The following SLC4A7 variants were observed in gnomAD, a reference collection of about 807,000 sequenced individuals.
The protein encoded by SLC4A7 is solute carrier family 4 member 7, also known as sodium bicarbonate cotransporter 3.
In SLC4A7, 51 loss-of-function variants were observed where a neutral mutation model predicts 137.6. The observed-to-expected ratio is 0.37, with a 90% CI of 0.30 to 0.47. SLC4A7 has a LOEUF of 0.47. SLC4A7 is among the 20% of genes least tolerant of loss of function. The pLI, the probability that SLC4A7 is intolerant of heterozygous loss-of-function variation, is 1.00. For synonymous variants in SLC4A7, 542 were observed against 518.6 expected, an observed-to-expected ratio of 1.05 and a Z score of -0.61; for missense variants, 1,247 against 1,525.4, an observed-to-expected ratio of 0.82 and a Z score of 3.04.
chr3:27,439,920 G>C (rs1016651966), intron 3 of SLC4A7, among the ~76,000 whole-genome samples: 3 of 152,194 alleles, frequency 2.0e-5, no homozygotes, highest in Non-Finnish European at 2.9e-5. Context: ...TTAGTTTGCA[G>C]AGAGTTTTAT....
chr3:27,431,279 G>T lies in SLC4A7; in HGVS notation c.1150+19C>A. 1.3e-6 allele frequency: 2 copies of T among 1,549,582 alleles called. No individual in the cohort carries two copies. Among genetic ancestry groups the T allele is most frequent in the Non-Finnish European group, 1.7e-6 (2 of 1,146,766 alleles). On this transcript the variant is annotated intron_variant, in intron 7 of 25. Transcript: ENST00000454389. ...TCAGAGGCAGAAAGCACCACACATG[G>T]AGGATTTTGGATAGTTGCCTGGAGT...
At chr3:27,410,540 A>G (rs1285194161) in intron 12 of SLC4A7, among the ~76,000 whole-genome samples, 1 of 152,210 alleles carries the variant, frequency 6.6e-6, no homozygotes, top group Admixed American at 6.5e-5. Context: ...TCTGTTCATA[A>G]TCTGACAGCA....
chr3:27,452,550 C>G, intron 1 of SLC4A7, 52 bp from the exon 2 acceptor site: 1 of 1,155,654 alleles, frequency 8.7e-7, no homozygotes, highest in Non-Finnish European at 1.2e-6. Context: ...TATTGAGGAC[C>G]TATTATATGC....
chr3:27,422,803 C>A (rs1221925716), intron 8 of SLC4A7: 1 of 456,060 alleles, frequency 2.2e-6, no homozygotes, highest in Non-Finnish European at 4.4e-6. Flanking sequence ...GAGTCCCACA[C>A]CCAGTGTGCC....
chr3:27,400,045 A>G (rs543488573), intron 16 of SLC4A7, among the ~76,000 whole-genome samples: 1 of 152,338 alleles, frequency 6.6e-6, no homozygotes, highest in Admixed American at 6.5e-5. Flanking sequence ...ACAGTTACTT[A>G]TATGATATAA....
At chr3:27,447,768 C>G (rs920587305) in intron 3 of SLC4A7, among the ~76,000 whole-genome samples, 8 of 150,462 alleles carry the variant, frequency 5.3e-5, no homozygotes, top group Admixed American at 6.7e-5. Context: ...TCTATTGGTA[C>G]CACTAACTTC....
At chr3:27,418,146 G>C (rs987749297) in intron 11 of SLC4A7, among the ~76,000 whole-genome samples, 8 of 152,058 alleles carry the variant, frequency 5.3e-5, no homozygotes, top group Non-Finnish European at 1.2e-4. Flanking sequence ...CTGTGAAAAA[G>C]AGAATAAGGA....
At chr3:27,460,813 G>A (rs1348159871) in intron 1 of SLC4A7, among the ~76,000 whole-genome samples, 1 of 152,262 alleles carries the variant, frequency 6.6e-6, no homozygotes, top group Non-Finnish European at 1.5e-5. Context: ...AGAATCTAGT[G>A]CTGTTGACCA....
intron 13 of SLC4A7, among the ~76,000 whole-genome samples, chr3:27,406,071 G>A (rs191762858): frequency 2.0e-5 from 3 of 152,280 alleles, no homozygotes; most frequent in African/African-American, 4.8e-5. Flanking sequence ...GAGAAAAGAA[G>A]CTCGTAAGAA....
chr3:27,387,959 C>G (rs148454694), intron 22 of SLC4A7, among the ~76,000 whole-genome samples: 22 of 152,120 alleles, frequency 1.4e-4, no homozygotes, highest in African/African-American at 4.8e-4. Flanking sequence ...TATTATAAAG[C>G]CTTTTTCTTT....
intron 20 of SLC4A7, among the ~76,000 whole-genome samples, chr3:27,392,578 C>A (rs2051681105): frequency 6.6e-6 from 1 of 152,174 alleles, no homozygotes; most frequent in Admixed American, 6.6e-5. Flanking sequence ...GTAATCTCAG[C>A]ATTTCGGGAG....
At chr3:27,445,944 AAAAAAAAAAAAAAAAAAAAATATATATAT>A (rs1212086926) in intron 3 of SLC4A7, among the ~76,000 whole-genome samples, 5 of 51,986 alleles carry the variant, frequency 9.6e-5, no homozygotes, top group Non-Finnish European at 1.6e-4. Flanking sequence ...AAAAAAAAAA[AAAAAAAAAAAAAAAAAAAAATATATATAT>A]ATATATATAT....
intron 13 of SLC4A7, among the ~76,000 whole-genome samples, chr3:27,406,492 CATTTGTTAATTATATGGGCTAA>C: frequency 6.6e-6 from 1 of 152,136 alleles, no homozygotes; most frequent in East Asian, 1.9e-4. Context: ...GTTAATGACA[CATTTGTTAATTATATGGGCTAA>C]ATTTGTTTTC....
At chr3:27,400,707 G>C in intron 16 of SLC4A7, 57 bp downstream of exon 16, 2 of 982,706 alleles carry the variant, frequency 2.0e-6, no homozygotes, top group Non-Finnish European at 3.1e-6. Flanking sequence ...ATTAGAAAAA[G>C]CTAAAAGAAC....
rs1235839155 is a variant in SLC4A7, at chr3:27,420,774, A to G, written c.1438T>C (p.Leu480=). The change falls in exon 10 of 26, where the codon TTA becomes CTA. Residue 480 remains leucine, a synonymous_variant. Transcript: ENST00000454389. ...VPVPTRFLFL[L]LGPAGKAPQY... The stretch of plus-strand genomic sequence containing the variant: ...GGTGCCTTGCCCGCTGGACCCAATA[A>G]CAAAAACAAAAACCTAAGGAAATAT... The G allele has an allele frequency of 6.2e-7, 1 of 1,611,950 alleles. No individual in the cohort carries two copies. Among genetic ancestry groups the G allele is most frequent in the East Asian group, 2.2e-5 (1 of 44,834 alleles).
At chr3:27,430,694 G>C (rs539339666) in intron 7 of SLC4A7, among the ~76,000 whole-genome samples, 210 of 151,274 alleles carry the variant, frequency 1.4e-3, no homozygotes, top group African/African-American at 4.9e-3. Flanking sequence ...AGCCAGACGT[G>C]GTGGCTCAGT....
At chr3:27,446,686 T>G (rs1028219847) in intron 3 of SLC4A7, among the ~76,000 whole-genome samples, 1 of 152,084 alleles carries the variant, frequency 6.6e-6, no homozygotes, top group Non-Finnish European at 1.5e-5. Context: ...ATGGCTGTGA[T>G]GTATAGAACA....
intron 20 of SLC4A7, among the ~76,000 whole-genome samples, chr3:27,392,595 G>GAGGA (rs1435861767): frequency 1.3e-5 from 2 of 152,270 alleles, no homozygotes; most frequent in East Asian, 3.9e-4. Flanking sequence ...GGAGGCTGAG[G>GAGGA]CGGGCAGATC....
At chr3:27,413,005 C>T (rs544725252) in intron 11 of SLC4A7, among the ~76,000 whole-genome samples, 22 of 152,118 alleles carry the variant, frequency 1.4e-4, no homozygotes, top group Admixed American at 3.3e-4. Flanking sequence ...AAATAAAATG[C>T]ATTTTTTAAA....
Sources: allele counts gnomAD v4.1 joint callset (sites outside exome capture counted in the v4.1 genomes callset), GRCh38; gene constraint gnomAD v4.1.1; transcripts MANE v1.5; gene names NCBI Gene and HGNC (gene_info 2026-07-23, HGNC 2026-07-21).